Variants in NLN observed in about 807,000 individuals in gnomAD.
NLN encodes neurolysin, mitochondrial.
Under a neutral mutation model 79.9 loss-of-function variants are expected in NLN, and 64 were observed. That is an observed-to-expected ratio of 0.80 (90% CI 0.65 to 0.99). The LOEUF is 0.99. Ranked by LOEUF, NLN falls within the 50% of genes least tolerant of loss-of-function variation. The pLI is 0.00. For missense variants in NLN, 835 were observed against 858.7 expected (o/e 0.97, Z 0.34); for synonymous variants, 267 against 296.6 (o/e 0.90, Z 1.02).
chr5:65,753,861 C>T (rs140264779), intron 1 of NLN, among the ~76,000 whole-genome samples: 88 of 152,198 alleles, frequency 5.8e-4, no homozygotes, highest in African/African-American at 2.0e-3. Flanking sequence ...AAGTACAGCC[C>T]GTCATGGCCA....
In NLN at chr5:65,788,349, A is replaced by G. The variant is rs754024817; in HGVS notation, c.1190A>G (p.Tyr397Cys). 3 of 1,614,190 alleles carry G rather than the reference A, an allele frequency of 1.9e-6. No individual in the cohort carries two copies. Among genetic ancestry groups the G allele is most frequent in the African/African-American group, 1.3e-5 (1 of 75,064 alleles). Residue 397 changes from tyrosine (Y) to cysteine (C), a missense_variant, in exon 8 of 13, where the codon TAC (tyrosine) becomes TGC (cysteine). Physicochemically the swap from Tyr to Cys is radical, Grantham distance 194 (BLOSUM62 -2). Coordinates refer to ENST00000380985, the MANE Select transcript of NLN (RefSeq NM_020726.5). ...GTCACTGAAGGCTTGCTGAACACCT[A>G]CCAGGAGTTGTTGGGACTTTCATTT... is the stretch of plus-strand genomic sequence containing the variant. ...EVVTEGLLNT[Y>C]QELLGLSFEQ...
Position 65,731,242 on chromosome 5 carries a change from G to C in NLN, c.41+8828G>C, listed in dbSNP as rs141268336. 9.2e-5 allele frequency among the ~76,000 whole-genome samples: 14 copies of C among 152,302 alleles called. No homozygotes were observed. In the East Asian group the frequency reaches 2.1e-3, roughly 23 times the overall value. The stretch of plus-strand genomic sequence containing the variant: ...AGAGAGTGGAAGGCAGTTGGAACTG[G>C]AACCTCATTAGCTCTGCCACATTCT... On this transcript the variant is annotated intron_variant, in intron 1 of 12. Transcript: ENST00000380985.
intron 9 of NLN, among the ~76,000 whole-genome samples, chr5:65,807,501 T>C (rs1397193426): frequency 6.6e-6 from 1 of 151,958 alleles, no homozygotes; most frequent in Non-Finnish European, 1.5e-5. Context: ...AATGCACTGG[T>C]GCTATCTTGG....
intron 2 of NLN, among the ~76,000 whole-genome samples, chr5:65,760,783 C>T (rs548847085): frequency 6.6e-6 from 1 of 152,168 alleles, no homozygotes; most frequent in Non-Finnish European, 1.5e-5. Flanking sequence ...CTTGGCCTCC[C>T]AAAGCACTGG....
chr5:65,758,876 A>C (rs1254586986), intron 2 of NLN, 50 bp downstream of exon 2: 1 of 1,518,350 alleles, frequency 6.6e-7, no homozygotes, highest in Non-Finnish European at 9.1e-7. Context: ...GGACATCTTA[A>C]ATCATTTCAT....
chr5:65,730,798 T>A (rs1758588549), intron 1 of NLN, among the ~76,000 whole-genome samples: 1 of 152,138 alleles, frequency 6.6e-6, no homozygotes, highest in Non-Finnish European at 1.5e-5. Context: ...GTGACCCACC[T>A]GCCTCTGCCT....
rs534088908 is a variant in NLN, at chr5:65,739,506, T to C, written c.41+17092T>C. Among the ~76,000 whole-genome samples the C allele has an allele frequency of 1.8e-3, 280 of 152,302 alleles. 2 individuals are homozygous for C. The highest frequency in any genetic ancestry group is 6.7e-3 in the African/African-American group (277 of 41,560). On this transcript the variant is annotated intron_variant, in intron 1 of 12. Transcript: ENST00000380985. ...GTGTGGATATCTCTTCCATATTGAT[T>C]TCATTTTTTAAAGATATATTCCCAG...
At chr5:65,787,716 A>G (rs1338573215) in intron 7 of NLN, among the ~76,000 whole-genome samples, 3 of 152,180 alleles carry the variant, frequency 2.0e-5, no homozygotes, top group African/African-American at 4.8e-5. Flanking sequence ...TGTTTTCCCT[A>G]GCTTTCTTAG....
chr5:65,817,408 C>G (rs899679376), intron 12 of NLN, among the ~76,000 whole-genome samples: 1 of 152,126 alleles, frequency 6.6e-6, no homozygotes, highest in Non-Finnish European at 1.5e-5. Context: ...AGGAAGCTCT[C>G]AAAGGTCTTT....
rs549706827 is a variant in NLN, at chr5:65,824,451, A to G, written c.*1536A>G. ...CCTTCTCTTCCCACACACTCACTCAATGTCACCCCCTTCTAATCCCCAAAA... is the reference window on the plus strand; with the variant it reads ...CCTTCTCTTCCCACACACTCACTCAGTGTCACCCCCTTCTAATCCCCAAAA... On this transcript the variant is annotated 3_prime_UTR_variant, in exon 13 of 13. Coordinates refer to ENST00000380985, the MANE Select transcript of NLN (RefSeq NM_020726.5). 14 of 152,128 alleles carry G rather than the reference A, an allele frequency of 9.2e-5. No individual in the cohort carries two copies. The East Asian group carries it at 2.7e-3, about 29-fold the overall frequency. 9.4% of individuals were successfully genotyped at this position (152,128 alleles called of 1,614,324 possible). A position where few individuals can be genotyped will look rare whatever the true frequency, so the allele number is the denominator to read the frequency against.
rs185184157 is a variant in NLN at position 65,807,448 on chromosome 5, T to C, written c.1528-2067T>C. 2.0e-4 allele frequency among the ~76,000 whole-genome samples: 31 copies of C among 152,036 alleles called. No individual in the cohort carries two copies. The East Asian group carries it at 6.0e-3, about 29-fold the overall frequency. On this transcript the variant is annotated intron_variant, in intron 9 of 12. Transcript: ENST00000380985. ...GTGTTTTTGGTTTTGATTTTTTTTTTTTCTTTTTTTGAGACAGAGTCTCAC... is the reference window on the plus strand; with the variant it reads ...GTGTTTTTGGTTTTGATTTTTTTTTCTTCTTTTTTTGAGACAGAGTCTCAC...
rs540644746 is a variant in NLN, at chr5:65,753,738, A to G, written c.42-4829A>G. ...TATACTAAGAGGAGTGGTGAAAAGA[A>G]CAGGGTGTTAAGATGGATATGTCCT... On this transcript the variant is annotated intron_variant, in intron 1 of 12. Transcript: ENST00000380985. 2.0e-5 allele frequency among the ~76,000 whole-genome samples: 3 copies of G among 152,100 alleles called. No homozygotes were observed. The East Asian group carries it at 5.8e-4, about 29-fold the overall frequency.
chr5:65,793,691 T>C (rs1247406078), intron 9 of NLN: 2 of 151,732 alleles, frequency 1.3e-5, no homozygotes, highest in African/African-American at 4.8e-5. Context: ...AGGTACAGTT[T>C]TCCAAATTTG....
intron 1 of NLN, among the ~76,000 whole-genome samples, chr5:65,752,802 T>G (rs549185335): frequency 6.6e-6 from 1 of 152,238 alleles, no homozygotes; most frequent in African/African-American, 2.4e-5. Flanking sequence ...GGCATTCCGC[T>G]GTCACCATTC....
intron 1 of NLN, chr5:65,733,314 C>T: frequency 1.3e-6 from 2 of 1,513,200 alleles, no homozygotes; most frequent in Non-Finnish European, 1.8e-6. Flanking sequence ...CTGTCAGATC[C>T]AGGACTCCCA....
At position 65,827,895 on chromosome 5, in the gene NLN, T is replaced by A. The variant is rs1325722150; in HGVS notation, c.*4980T>A. 1.3e-5 allele frequency: 2 copies of A among 152,210 alleles called. No individual in the cohort carries two copies. Among genetic ancestry groups the A allele is most frequent in the Non-Finnish European group, 2.9e-5 (2 of 68,056 alleles). The allele number at this position is 152,210 out of a possible 1,614,324, so 9.4% of individuals were successfully genotyped here. ...AGCCAGGTGTTGTGGCACATGCCTG[T>A]ACTCCCAGCTACTCAGGAGGCTGAG... is the stretch of plus-strand genomic sequence containing the variant. On this transcript the variant is annotated 3_prime_UTR_variant, in exon 13 of 13. Transcript: ENST00000380985.
intron 1 of NLN, among the ~76,000 whole-genome samples, chr5:65,735,279 A>T (rs1462477712): frequency 1.3e-5 from 2 of 152,362 alleles, no homozygotes; most frequent in East Asian, 3.8e-4. Flanking sequence ...TTCATTTATA[A>T]GTTACCCAGT....
At chr5:65,754,555 C>G (rs1317346791) in intron 1 of NLN, among the ~76,000 whole-genome samples, 1 of 152,102 alleles carries the variant, frequency 6.6e-6, no homozygotes, top group Admixed American at 6.6e-5. Context: ...TTTCTGGAAC[C>G]CTTGTCCTAT....
intron 3 of NLN, among the ~76,000 whole-genome samples, chr5:65,773,910 T>A (rs1759622994): frequency 6.6e-6 from 1 of 152,056 alleles, no homozygotes; most frequent in Non-Finnish European, 1.5e-5. Context: ...ACCACTGTAC[T>A]CCAGCCCAGG....
Sources: gnomAD v4.1 joint callset for allele counts (sites outside exome capture counted in the v4.1 genomes callset) on GRCh38, gnomAD v4.1.1 for gene constraint, MANE v1.5 for transcripts, NCBI Gene and HGNC (gene_info 2026-07-23, HGNC 2026-07-21) for gene names.